Variants in TRIP12 observed in about 807,000 individuals in gnomAD.
TRIP12 encodes the protein E3 ubiquitin-protein ligase TRIP12.
TRIP12 carries 25 observed loss-of-function variants against 244.2 expected under a neutral mutation model. That is an observed-to-expected ratio of 0.10 (90% CI 0.07 to 0.14). TRIP12 has a LOEUF of 0.14. Among genes scored for constraint, TRIP12 ranks in the 10% least tolerant of loss-of-function variants. The pLI, the probability that TRIP12 is intolerant of heterozygous loss-of-function variation, is 1.00. For missense variants in TRIP12, 1,677 were observed against 2,486.4 expected (o/e 0.67, Z 6.92); for synonymous variants, 905 against 873.1 (o/e 1.04, Z -0.64).
At chr2:229,859,691 T>C (rs757266196) in intron 3 of TRIP12, 117 bp from the exon 4 acceptor site, 33 of 1,182,486 alleles carry the variant, frequency 2.8e-5, no homozygotes, top group Non-Finnish European at 3.6e-5. Context: ...GTATTAAACA[T>C]AGGTTTTCAG....
intron 8 of TRIP12, among the ~76,000 whole-genome samples, chr2:229,823,843 A>G (rs1296421152): frequency 6.6e-6 from 1 of 152,190 alleles, no homozygotes; most frequent in Non-Finnish European, 1.5e-5. Flanking sequence ...ATAAATTAAT[A>G]AAGACACATC....
At chr2:229,879,189 T>C (rs548606656) in intron 2 of TRIP12, among the ~76,000 whole-genome samples, 8 of 152,240 alleles carry the variant, frequency 5.3e-5, no homozygotes, top group African/African-American at 1.9e-4. Flanking sequence ...AAGCAGAGGT[T>C]GCAGTGAGCT....
At position 229,807,689 on chromosome 2, in the gene TRIP12, G is replaced by A. The variant is rs763121069; in HGVS notation, c.2496+19C>T. On this transcript the variant is annotated intron_variant, in intron 17 of 41. Transcript: ENST00000675903. Reference sequence around the variant, plus strand: ...TCCAACAAAATAGACACATTTAAACGGTACGATGAAACTACTACCTCAATG... The same window carrying A: ...TCCAACAAAATAGACACATTTAAACAGTACGATGAAACTACTACCTCAATG... 14 of 1,613,750 alleles carry A rather than the reference G, an allele frequency of 8.7e-6. No individual in the cohort carries two copies. The highest frequency in any genetic ancestry group is 6.7e-5 in the African/African-American group (5 of 74,834).
intron 6 of TRIP12, among the ~76,000 whole-genome samples, chr2:229,834,113 G>A (rs1239529188): frequency 1.3e-5 from 2 of 152,186 alleles, no homozygotes; most frequent in Non-Finnish European, 1.5e-5. Flanking sequence ...GATATTTCCC[G>A]TTTAGTCTTA....
intron 17 of TRIP12, among the ~76,000 whole-genome samples, chr2:229,806,995 G>A (rs1025044171): frequency 1.3e-5 from 2 of 152,140 alleles, no homozygotes; most frequent in Admixed American, 1.3e-4. Context: ...CTAAGCTAGA[G>A]CAAATATTAT....
chr2:229,802,706 TA>T (rs2044699830), intron 20 of TRIP12, among the ~76,000 whole-genome samples: 1 of 152,174 alleles, frequency 6.6e-6, no homozygotes, highest in Non-Finnish European at 1.5e-5. Flanking sequence ...AAAACCAGAT[TA>T]TATAAAACTT....
chr2:229,821,812 C>T (rs1217039302), intron 8 of TRIP12, among the ~76,000 whole-genome samples: 1 of 152,044 alleles, frequency 6.6e-6, no homozygotes, highest in Non-Finnish European at 1.5e-5. Flanking sequence ...AATCAACTGG[C>T]CCACAGACAG....
chr2:229,808,385 A>G lies in TRIP12; in HGVS notation c.2222-16T>C, dbSNP rs754766641. Reference sequence around the variant, plus strand: ...TCTGCAATGTCTGTAAAAACCAACAACAAAAAACAAAAGGCTATTAAACTA... The same window carrying G: ...TCTGCAATGTCTGTAAAAACCAACAGCAAAAAACAAAAGGCTATTAAACTA... On this transcript the variant is annotated splice_polypyrimidine_tract_variant and intron_variant, in intron 15 of 41. Transcript: ENST00000675903. 6 of 1,569,006 alleles carry G rather than the reference A, an allele frequency of 3.8e-6. No homozygotes were observed. The East Asian group carries it at 1.1e-4, about 29-fold the overall frequency.
chr2:229,907,666 T>C (rs937687706), intron 1 of TRIP12, among the ~76,000 whole-genome samples: 5 of 152,120 alleles, frequency 3.3e-5, no homozygotes, highest in Non-Finnish European at 7.4e-5. Flanking sequence ...TAACCAGGCA[T>C]GGTGGCACAT....
chr2:229,767,376 T>C lies in TRIP12; in HGVS notation c.*178A>G. On this transcript the variant is annotated 3_prime_UTR_variant, in exon 42 of 42. Transcript: ENST00000675903. ...CAACAACGTTTTAGGGCCTGATCACTTTAAGTCCATGGGGCCATTAATGAA... is the reference window on the plus strand; with the variant it reads ...CAACAACGTTTTAGGGCCTGATCACCTTAAGTCCATGGGGCCATTAATGAA... 2 of 610,674 alleles carry C rather than the reference T, an allele frequency of 3.3e-6. No individual in the cohort carries two copies. Among genetic ancestry groups the C allele is most frequent in the Non-Finnish European group, 5.0e-6 (2 of 396,070 alleles). The allele number at this position is 610,674 out of a possible 1,614,324, so 37.8% of individuals were successfully genotyped here.
At chr2:229,793,547 C>A (rs1297193521) in intron 26 of TRIP12, among the ~76,000 whole-genome samples, 1 of 151,744 alleles carries the variant, frequency 6.6e-6, no homozygotes, top group African/African-American at 2.4e-5. Flanking sequence ...AAAAAAAAAA[C>A]TCTTTATTTC....
intron 34 of TRIP12, among the ~76,000 whole-genome samples, chr2:229,782,662 G>A (rs532784624): frequency 6.6e-6 from 1 of 152,208 alleles, no homozygotes; most frequent in African/African-American, 2.4e-5. Flanking sequence ...CTTTTTAAAA[G>A]TCATCAAGAA....
intron 4 of TRIP12, among the ~76,000 whole-genome samples, chr2:229,847,183 C>A (rs979123663): frequency 6.6e-6 from 1 of 152,094 alleles, no homozygotes; most frequent in East Asian, 1.9e-4. Flanking sequence ...CTAGCCATTA[C>A]GAATGATGTA....
chr2:229,856,692 T>A (rs1447701480), intron 4 of TRIP12, among the ~76,000 whole-genome samples: 1 of 152,156 alleles, frequency 6.6e-6, no homozygotes, highest in Non-Finnish European at 1.5e-5. Flanking sequence ...ATAGCAGGAC[T>A]GACAGACACA....
intron 2 of TRIP12, among the ~76,000 whole-genome samples, chr2:229,867,167 G>GTTTAT (rs1359589033): frequency 1.7e-5 from 1 of 58,164 alleles, no homozygotes; most frequent in South Asian, 8.4e-4. Context: ...TTGTTTGTTT[G>GTTTAT]TTTGTTTTTT....
At chr2:229,797,576 G>C in intron 24 of TRIP12, 114 bp downstream of exon 24, 1 of 1,323,786 alleles carries the variant, frequency 7.6e-7, no homozygotes, top group Non-Finnish European at 1.0e-6. Flanking sequence ...TAAGGTAAAA[G>C]TCGATGTAGG....
intron 2 of TRIP12, among the ~76,000 whole-genome samples, chr2:229,866,199 C>A (rs1161421004): frequency 6.6e-6 from 1 of 152,168 alleles, no homozygotes; most frequent in Non-Finnish European, 1.5e-5. Context: ...ATTTGTTTTG[C>A]ACAGTTCTTA....
chr2:229,796,380 A>T (rs988670825), intron 25 of TRIP12, among the ~76,000 whole-genome samples: 1 of 152,232 alleles, frequency 6.6e-6, no homozygotes, highest in Non-Finnish European at 1.5e-5. Context: ...AATCATAGAA[A>T]TAGTGACATG....
intron 31 of TRIP12, 79 bp from the exon 32 acceptor site, chr2:229,789,019 C>G (rs1434586895): frequency 3.6e-5 from 48 of 1,318,958 alleles, no homozygotes; most frequent in Non-Finnish European, 4.8e-5. Flanking sequence ...CCATTATCCC[C>G]AAGTCCATGC....
Sources: allele counts gnomAD v4.1 joint callset (sites outside exome capture counted in the v4.1 genomes callset), GRCh38; gene constraint gnomAD v4.1.1; transcripts MANE v1.5; gene names NCBI Gene and HGNC (gene_info 2026-07-23, HGNC 2026-07-21).